ADAM28: variants seen among roughly 807,000 people sequenced by gnomAD.
ADAM28 encodes disintegrin and metalloproteinase domain-containing protein 28.
A neutral mutation model predicts 101.2 loss-of-function variants in ADAM28; 105 were observed. The observed-to-expected ratio is 1.04, with a 90% CI of 0.89 to 1.22. The LOEUF (loss-of-function observed/expected upper bound fraction) is 1.22, where lower values mean the gene tolerates loss of function less well. Among genes scored for constraint, ADAM28 ranks in the 50% most tolerant of loss-of-function variants. ADAM28 has a pLI of 0.00. For missense variants in ADAM28, 1,028 were observed against 945.4 expected, an observed-to-expected ratio of 1.09 and a Z score of -1.15; for synonymous variants, 322 against 310.6, an observed-to-expected ratio of 1.04 and a Z score of -0.39.
chr8:24,341,876 C>A, intron 16 of ADAM28, 119 bp downstream of exon 16: 1 of 1,181,034 alleles, frequency 8.5e-7, no homozygotes, highest in Non-Finnish European at 1.2e-6. Context: ...TTCGCCATGC[C>A]TTAATAGAAC....
intron 2 of ADAM28, among the ~76,000 whole-genome samples, chr8:24,305,281 C>G (rs969830930): frequency 6.6e-6 from 1 of 151,680 alleles, no homozygotes; most frequent in Non-Finnish European, 1.5e-5. Context: ...CAGTCACAGT[C>G]AGTATTATAA....
intron 5 of ADAM28, among the ~76,000 whole-genome samples, chr8:24,312,146 T>A (rs899741893): frequency 3.3e-4 from 50 of 152,314 alleles, no homozygotes; most frequent in African/African-American, 1.2e-3. Context: ...TGTCTATATA[T>A]AGTAATCTAT....
rs137874121 is a variant in ADAM28 at position 24,331,770 on chromosome 8, C to T, written c.1281+443C>T. Among the ~76,000 whole-genome samples, 7 of 152,166 alleles carry T rather than the reference C, an allele frequency of 4.6e-5. No individual in the cohort carries two copies. In the East Asian group the frequency reaches 5.8e-4, roughly 13 times the overall value. ...AATGTATCTGTTTCCAGCTCTGAAA[C>T]GCAAGACCACCCAGCACAGGGATCT... On this transcript the variant is annotated intron_variant, in intron 12 of 22. Coordinates refer to ENST00000265769, the MANE Select transcript of ADAM28 (RefSeq NM_014265.6).
Position 24,334,898 on chromosome 8 carries a change from C to A in ADAM28, c.1372-548C>A, listed in dbSNP as rs950496154. ...TCAAGTGAATATTTGCTTATTTCTCCCTCATGATAAGTCATTCTATGGAAG... is the reference window on the plus strand; with the variant it reads ...TCAAGTGAATATTTGCTTATTTCTCACTCATGATAAGTCATTCTATGGAAG... On this transcript the variant is annotated intron_variant, in intron 13 of 22. Transcript: ENST00000265769. Among the ~76,000 whole-genome samples the A allele has an allele frequency of 1.2e-4, 19 of 152,182 alleles. No homozygotes were observed. The East Asian group carries it at 3.7e-3, about 29-fold the overall frequency.
chr8:24,304,805 C>T (rs1563267868), intron 2 of ADAM28, among the ~76,000 whole-genome samples: 1 of 151,408 alleles, frequency 6.6e-6, no homozygotes, highest in Non-Finnish European at 1.5e-5. Flanking sequence ...ATCCCAACTA[C>T]TAAGGAGGCT....
chr8:24,344,738 A>G (rs569844578), intron 18 of ADAM28, among the ~76,000 whole-genome samples: 48 of 152,222 alleles, frequency 3.2e-4, no homozygotes, highest in African/African-American at 1.1e-3. Context: ...AATGGTTTCA[A>G]TGCTCACTAA....
intron 9 of ADAM28, chr8:24,325,106 A>G (rs1812365580): frequency 6.6e-6 from 1 of 151,992 alleles, no homozygotes. Context: ...TTTAGACTCG[A>G]GAGCCCATTC....
At chr8:24,308,606 A>G (rs913260950) in intron 2 of ADAM28, 38 of 456,102 alleles carry the variant, frequency 8.3e-5, no homozygotes, top group African/African-American at 6.2e-4. Context: ...ACTATTCTGC[A>G]TAACTTTTAT....
At position 24,343,081 on chromosome 8, in the gene ADAM28, G is replaced by C; in HGVS notation, c.1831-20G>C. 6.2e-7 allele frequency: 1 copy of C among 1,613,470 alleles called. No homozygotes were observed. The highest frequency in any genetic ancestry group is 8.5e-7 in the Non-Finnish European group (1 of 1,179,642). On this transcript the variant is annotated intron_variant, in intron 16 of 22. Transcript: ENST00000265769. Reference sequence around the variant, plus strand: ...ACGTTCAGAGAAGATGAAGCTTCATGTTTTCTACATCACTTTCAGGTTTGC... The same window carrying C: ...ACGTTCAGAGAAGATGAAGCTTCATCTTTTCTACATCACTTTCAGGTTTGC...
At chr8:24,310,351 C>T (rs1585550307) in intron 4 of ADAM28, 110 bp downstream of exon 4, 1 of 894,620 alleles carries the variant, frequency 1.1e-6, no homozygotes. Flanking sequence ...AACATTAGTG[C>T]TTTTTTCAGC....
At chr8:24,326,249 GTT>G (rs779470963) in intron 9 of ADAM28, among the ~76,000 whole-genome samples, 1 of 151,938 alleles carries the variant, frequency 6.6e-6, no homozygotes, top group Non-Finnish European at 1.5e-5. Context: ...GTAGACAGAT[GTT>G]TATTAAGACC....
chr8:24,339,097 C>T (rs1814444917), intron 14 of ADAM28, among the ~76,000 whole-genome samples: 1 of 152,118 alleles, frequency 6.6e-6, no homozygotes, highest in Admixed American at 6.6e-5. Flanking sequence ...CACACAGTTA[C>T]TCAGTCTTGC....
At chr8:24,329,932 T>C in intron 10 of ADAM28, 53 bp from the exon 11 acceptor site, 1 of 1,559,506 alleles carries the variant, frequency 6.4e-7, no homozygotes, top group Non-Finnish European at 8.7e-7. Context: ...AGTAGAGTGA[T>C]GTATAATTTC....
chr8:24,325,883 A>AAAACAAACAAAC (rs1554514034), intron 9 of ADAM28, among the ~76,000 whole-genome samples: 3 of 114,674 alleles, frequency 2.6e-5, no homozygotes, highest in Admixed American at 8.5e-5. Flanking sequence ...AAAAAAAAAA[A>AAAACAAACAAAC]AAAAAAAAAA....
At chr8:24,328,410 T>C (rs1176512749) in intron 10 of ADAM28, among the ~76,000 whole-genome samples, 1 of 151,904 alleles carries the variant, frequency 6.6e-6, no homozygotes, top group African/African-American at 2.4e-5. Context: ...ACATATTTTT[T>C]AGTTACTATC....
intron 16 of ADAM28, among the ~76,000 whole-genome samples, chr8:24,342,612 A>G (rs576052015): frequency 3.9e-5 from 6 of 152,284 alleles, no homozygotes; most frequent in Admixed American, 3.9e-4. Flanking sequence ...AAGGAATTTT[A>G]TATAAAATAT....
intron 16 of ADAM28, 111 bp downstream of exon 16, chr8:24,341,868 C>A: frequency 7.3e-7 from 1 of 1,360,576 alleles, no homozygotes; most frequent in South Asian, 1.3e-5. Flanking sequence ...TTTTGGGGTT[C>A]GCCATGCCTT....
chr8:24,321,046 T>A (rs1273429933), intron 7 of ADAM28, among the ~76,000 whole-genome samples, 172 bp from the exon 8 acceptor site: 2 of 152,000 alleles, frequency 1.3e-5, no homozygotes, highest in African/African-American at 4.8e-5. Flanking sequence ...CCCAAAGTGC[T>A]TTAATGTAGC....
At chr8:24,333,564 G>T (rs758420586) in intron 13 of ADAM28, among the ~76,000 whole-genome samples, 1 of 152,198 alleles carries the variant, frequency 6.6e-6, no homozygotes, top group Non-Finnish European at 1.5e-5. Flanking sequence ...AACCCCAAGT[G>T]TGATCATCTC....
Sources: allele counts gnomAD v4.1 joint callset (sites outside exome capture counted in the v4.1 genomes callset), GRCh38; gene constraint gnomAD v4.1.1; transcripts MANE v1.5; gene names NCBI Gene and HGNC (gene_info 2026-07-23, HGNC 2026-07-21).